NCK2: variants seen among roughly 807,000 people sequenced by gnomAD.
NCK2 encodes the protein NCK adaptor protein 2.
In NCK2, 16 loss-of-function variants were observed where a neutral mutation model predicts 33.9. The observed-to-expected ratio is 0.47, with a 90% CI of 0.32 to 0.72. The LOEUF (loss-of-function observed/expected upper bound fraction) is 0.72. Ranked by LOEUF, NCK2 falls within the 30% of genes least tolerant of loss-of-function variation. The pLI is 0.03. For missense variants in NCK2, 418 were observed against 537.3 expected, an observed-to-expected ratio of 0.78 and a Z score of 2.19; for synonymous variants, 273 against 239.9, an observed-to-expected ratio of 1.14 and a Z score of -1.27.
At chr2:105,868,647 C>T (rs1172210382) in intron 3 of NCK2, among the ~76,000 whole-genome samples, 2 of 152,168 alleles carry the variant, frequency 1.3e-5, no homozygotes, top group East Asian at 1.9e-4. Context: ...CATTCAGTGG[C>T]GAGAAAGGTT....
At chr2:105,858,128 T>C (rs1396428010) in intron 3 of NCK2, among the ~76,000 whole-genome samples, 1 of 151,948 alleles carries the variant, frequency 6.6e-6, no homozygotes, top group African/African-American at 2.4e-5. Context: ...TGATGATAAT[T>C]AAACAGGTAT....
intron 1 of NCK2, among the ~76,000 whole-genome samples, chr2:105,757,605 C>T (rs893570817): frequency 1.6e-4 from 25 of 152,122 alleles, no homozygotes; most frequent in African/African-American, 5.3e-4. Flanking sequence ...TGCTGGGTGC[C>T]GTGGGAAAAC....
intron 2 of NCK2, among the ~76,000 whole-genome samples, chr2:105,826,276 C>T (rs766917555): frequency 2.6e-5 from 4 of 152,114 alleles, no homozygotes; most frequent in Non-Finnish European, 5.9e-5. Context: ...ATCACCAAGA[C>T]AGCATGGGGG....
At chr2:105,879,125 G>A (rs980751073) in intron 3 of NCK2, among the ~76,000 whole-genome samples, 9 of 152,114 alleles carry the variant, frequency 5.9e-5, no homozygotes, top group African/African-American at 9.7e-5. Flanking sequence ...TGAATATTCC[G>A]AAACCTGCTC....
chr2:105,771,973 T>C (rs1690148969), intron 1 of NCK2, among the ~76,000 whole-genome samples: 1 of 152,088 alleles, frequency 6.6e-6, no homozygotes, highest in Non-Finnish European at 1.5e-5. Flanking sequence ...CAGACACCCT[T>C]CAAAATTGGA....
At chr2:105,838,332 A>G (rs1231853670) in intron 2 of NCK2, among the ~76,000 whole-genome samples, 1 of 149,838 alleles carries the variant, frequency 6.7e-6, no homozygotes, top group Non-Finnish European at 1.5e-5. Context: ...TTGGCCAGGT[A>G]ACTAGTCTTA....
intron 2 of NCK2, among the ~76,000 whole-genome samples, chr2:105,817,822 C>G (rs1352139589): frequency 6.6e-6 from 1 of 152,152 alleles, no homozygotes; most frequent in African/African-American, 2.4e-5. Context: ...CACTTTTGCA[C>G]TGTTGGTGGG....
intron 1 of NCK2, among the ~76,000 whole-genome samples, chr2:105,780,754 A>G (rs993042442): frequency 7.2e-5 from 11 of 152,174 alleles, no homozygotes; most frequent in Non-Finnish European, 1.5e-4. Flanking sequence ...CTTACGGAAG[A>G]CACCCCAGAG....
At chr2:105,856,985 T>C (rs1677296668) in intron 3 of NCK2, 1 of 152,112 alleles carries the variant, frequency 6.6e-6, no homozygotes, top group Non-Finnish European at 1.5e-5. Flanking sequence ...ACCATCTTTT[T>C]AGTGATGCCA....
chr2:105,801,684 G>C, intron 1 of NCK2, among the ~76,000 whole-genome samples: 1 of 152,054 alleles, frequency 6.6e-6, no homozygotes, highest in South Asian at 2.1e-4. Context: ...TCTTTGGCAG[G>C]CTCATCTCAA....
chr2:105,852,429 A>G (rs1677104246), intron 2 of NCK2, among the ~76,000 whole-genome samples: 1 of 152,258 alleles, frequency 6.6e-6, no homozygotes, highest in East Asian at 1.9e-4. Context: ...TTGGATGCTC[A>G]GGCCTCTTTC....
At chr2:105,866,314 T>C (rs1677758073) in intron 3 of NCK2, among the ~76,000 whole-genome samples, 1 of 152,198 alleles carries the variant, frequency 6.6e-6, no homozygotes, top group Admixed American at 6.5e-5. Context: ...GTTGACATTG[T>C]GTCTCTTTTC....
At chr2:105,840,781 C>T (rs1033448066) in intron 2 of NCK2, among the ~76,000 whole-genome samples, 1 of 152,248 alleles carries the variant, frequency 6.6e-6, no homozygotes, top group African/African-American at 2.4e-5. Context: ...CTCAGGACCT[C>T]CTGCTAAACT....
chr2:105,860,984 G>A (rs543937644), intron 3 of NCK2, among the ~76,000 whole-genome samples: 32 of 151,946 alleles, frequency 2.1e-4, no homozygotes, highest in African/African-American at 7.2e-4. Flanking sequence ...TGTGGATCCC[G>A]AAAGAAGGGA....
intron 4 of NCK2, among the ~76,000 whole-genome samples, chr2:105,889,433 C>A (rs958396684): frequency 6.6e-6 from 1 of 152,192 alleles, no homozygotes; most frequent in South Asian, 2.1e-4. Context: ...TTCTTTCTTC[C>A]AGTTCTCAAA....
At position 105,893,593 on chromosome 2, in the gene NCK2, G is replaced by A; in HGVS notation, c.*417G>A. ...AGCAGGTGCGATGGCCCCAGTCCTAGCAGCCCTCGCCCATGTCCTGTGCCC... is the reference window on the plus strand; with the variant it reads ...AGCAGGTGCGATGGCCCCAGTCCTAACAGCCCTCGCCCATGTCCTGTGCCC... On this transcript the variant is annotated 3_prime_UTR_variant, in exon 5 of 5. Transcript: ENST00000233154. 1 of 195,578 alleles carries A rather than the reference G, an allele frequency of 5.1e-6. No individual in the cohort carries two copies. Among genetic ancestry groups the A allele is most frequent in the Admixed American group, 5.1e-5 (1 of 19,476 alleles). 12.1% of individuals were successfully genotyped at this position (195,578 alleles called of 1,614,324 possible).
intron 4 of NCK2, among the ~76,000 whole-genome samples, chr2:105,888,213 T>C (rs1190774079): frequency 6.6e-6 from 1 of 152,162 alleles, no homozygotes; most frequent in East Asian, 1.9e-4. Flanking sequence ...GTCAAATGAA[T>C]GGGTTGTACT....
chr2:105,778,175 C>T (rs945330723), intron 1 of NCK2, among the ~76,000 whole-genome samples: 2 of 152,186 alleles, frequency 1.3e-5, no homozygotes, highest in African/African-American at 4.8e-5. Flanking sequence ...GGGTCCCGGG[C>T]TTAGAGGGGG....
intron 3 of NCK2, among the ~76,000 whole-genome samples, chr2:105,869,938 T>C (rs540179785): frequency 1.3e-5 from 2 of 152,324 alleles, no homozygotes; most frequent in East Asian, 3.9e-4. Context: ...TTAAATATTC[T>C]ATCATTTTGT....
Sources: allele counts gnomAD v4.1 joint callset (sites outside exome capture counted in the v4.1 genomes callset), GRCh38; gene constraint gnomAD v4.1.1; transcripts MANE v1.5; gene names NCBI Gene and HGNC (gene_info 2026-07-23, HGNC 2026-07-21).